ALK: variants seen among roughly 807,000 people sequenced by gnomAD.
ALK encodes the protein ALK tyrosine kinase receptor.
In ALK, 74 loss-of-function variants were observed where a neutral mutation model predicts 163.1. That is an observed-to-expected ratio of 0.45 (90% CI 0.38 to 0.55). The LOEUF is 0.55. Ranked by LOEUF, ALK falls within the 20% of genes least tolerant of loss-of-function variation. ALK has a pLI of 0.00. For missense variants in ALK, 2,063 were observed against 2,105.3 expected (o/e 0.98, Z 0.39); for synonymous variants, 960 against 843.2 (o/e 1.14, Z -2.40).
At chr2:29,548,276 G>A (rs1361400812) in intron 3 of ALK, among the ~76,000 whole-genome samples, 1 of 151,990 alleles carries the variant, frequency 6.6e-6, no homozygotes, top group Non-Finnish European at 1.5e-5. Context: ...GACTGGGACC[G>A]TCCTGGCTAA....
At chr2:29,738,612 G>GTT (rs1030792038) in intron 1 of ALK, among the ~76,000 whole-genome samples, 1 of 152,002 alleles carries the variant, frequency 6.6e-6, no homozygotes, top group Non-Finnish European at 1.5e-5. Flanking sequence ...GGACCTTAGG[G>GTT]TTTTTCAATG....
At position 29,745,689 on chromosome 2, in the gene ALK, T is replaced by G. The variant is rs1046101406; in HGVS notation, c.668-27992A>C. ...TATCCTATCAAAGTAGGTCCCCGCT[T>G]AGCAGCATGTCCCATCACTGCCCAT... On this transcript the variant is annotated intron_variant, in intron 1 of 28. Coordinates refer to ENST00000389048, the MANE Select transcript of ALK (RefSeq NM_004304.5). 2.0e-5 allele frequency among the ~76,000 whole-genome samples: 3 copies of G among 152,366 alleles called. No individual in the cohort carries two copies. In the East Asian group the frequency reaches 5.8e-4, roughly 29 times the overall value.
chr2:29,226,580 G>T (rs541128124), intron 18 of ALK, among the ~76,000 whole-genome samples: 3 of 152,060 alleles, frequency 2.0e-5, no homozygotes, highest in African/African-American at 7.2e-5. Context: ...GGAGAGGAAG[G>T]TTAAGGCAAC....
intron 24 of ALK, among the ~76,000 whole-genome samples, chr2:29,211,060 G>T (rs887279853): frequency 4.6e-5 from 7 of 152,192 alleles, no homozygotes; most frequent in African/African-American, 1.7e-4. Context: ...GTTTCATGAT[G>T]GTTCTGATCC....
chr2:29,302,908 A>T (rs1480076436), intron 8 of ALK, among the ~76,000 whole-genome samples: 4 of 152,242 alleles, frequency 2.6e-5, no homozygotes, highest in Non-Finnish European at 4.4e-5. Context: ...AAGACATCAA[A>T]CTATAAAAAT....
chr2:29,918,327 C>T (rs946038027), intron 1 of ALK, among the ~76,000 whole-genome samples: 1 of 152,208 alleles, frequency 6.6e-6, no homozygotes, highest in Non-Finnish European at 1.5e-5. Context: ...TCTGCATTTC[C>T]AGAGAAGTCA....
At chr2:29,735,371 C>T (rs1679861683) in intron 1 of ALK, among the ~76,000 whole-genome samples, 1 of 151,976 alleles carries the variant, frequency 6.6e-6, no homozygotes, top group South Asian at 2.1e-4. Flanking sequence ...CAATCACAGC[C>T]TTCAGTGATT....
rs80167550 is a variant in ALK at position 29,570,724 on chromosome 2, G to A, written c.953-38608C>T. On this transcript the variant is annotated intron_variant, in intron 3 of 28. Coordinates refer to ENST00000389048, the MANE Select transcript of ALK (RefSeq NM_004304.5). ...GTTTCGCTCTCTCGACAGTAAAGCT[G>A]GCTGGTCAGGAGTGATTTTGATGAA... Among the ~76,000 whole-genome samples the A allele has an allele frequency of 2.7e-3, 416 of 152,282 alleles. 2 individuals are homozygous for A. Among genetic ancestry groups the A allele is most frequent in the East Asian group, 7.0e-3 (36 of 5,174 alleles).
intron 5 of ALK, among the ~76,000 whole-genome samples, chr2:29,354,144 G>C (rs894925544): frequency 6.6e-6 from 1 of 152,138 alleles, no homozygotes; most frequent in Admixed American, 6.5e-5. Context: ...TTGTCTTTAA[G>C]GGGCTAAGAA....
intron 22 of ALK, among the ~76,000 whole-genome samples, chr2:29,221,693 C>G (rs908944973): frequency 1.3e-5 from 2 of 152,256 alleles, no homozygotes; most frequent in Non-Finnish European, 2.9e-5. Context: ...ACCCCTGCCA[C>G]TTCCACCAAG....
intron 7 of ALK, 135 bp from the exon 8 acceptor site, chr2:29,318,539 T>C (rs757439970): frequency 5.8e-6 from 4 of 684,812 alleles, no homozygotes; most frequent in South Asian, 1.6e-5. Flanking sequence ...TGGCCTGCAA[T>C]GGAGAAGAAA....
At chr2:29,456,509 G>T (rs1670956764) in intron 4 of ALK, among the ~76,000 whole-genome samples, 1 of 152,136 alleles carries the variant, frequency 6.6e-6, no homozygotes, top group Non-Finnish European at 1.5e-5. Context: ...ATGTAGAGTA[G>T]TCAAATTCAT....
intron 5 of ALK, among the ~76,000 whole-genome samples, chr2:29,359,282 A>G (rs976345836): frequency 3.3e-5 from 5 of 152,188 alleles, no homozygotes; most frequent in Non-Finnish European, 7.4e-5. Flanking sequence ...CCTCCCTTGA[A>G]GAGGGTATTA....
At chr2:29,434,034 T>C (rs1670339870) in intron 4 of ALK, among the ~76,000 whole-genome samples, 1 of 152,142 alleles carries the variant, frequency 6.6e-6, no homozygotes, top group African/African-American at 2.4e-5. Context: ...TGTAAAGTAC[T>C]GAAAAGGCAA....
intron 4 of ALK, among the ~76,000 whole-genome samples, chr2:29,396,827 G>C (rs1414546299): frequency 2.6e-5 from 2 of 76,486 alleles, no homozygotes; most frequent in Non-Finnish European, 5.2e-5. Flanking sequence ...GAGGCCCTTT[G>C]TTACTATGGT....
chr2:29,596,309 G>A (rs1367760520), intron 3 of ALK, among the ~76,000 whole-genome samples: 3 of 151,994 alleles, frequency 2.0e-5, no homozygotes, highest in African/African-American at 4.8e-5. Flanking sequence ...ATGACTCTGG[G>A]GTTCACAGCT....
intron 1 of ALK, among the ~76,000 whole-genome samples, chr2:29,792,304 C>G (rs1280724321): frequency 6.6e-6 from 1 of 151,958 alleles, no homozygotes; most frequent in East Asian, 1.9e-4. Flanking sequence ...AGTGGAGACT[C>G]CAGAAACAGA....
intron 4 of ALK, among the ~76,000 whole-genome samples, chr2:29,468,392 T>C (rs1671264271): frequency 6.6e-6 from 1 of 152,182 alleles, no homozygotes; most frequent in South Asian, 2.1e-4. Flanking sequence ...CCTAGACCAA[T>C]GCTGAGCACT....
chr2:29,916,862 T>C (rs1667848446), intron 1 of ALK, among the ~76,000 whole-genome samples: 1 of 152,190 alleles, frequency 6.6e-6, no homozygotes, highest in African/African-American at 2.4e-5. Context: ...TTTTCTATGA[T>C]TTGGGCTGTC....
Sources: allele counts gnomAD v4.1 joint callset (sites outside exome capture counted in the v4.1 genomes callset), GRCh38; gene constraint gnomAD v4.1.1; transcripts MANE v1.5; gene names NCBI Gene and HGNC (gene_info 2026-07-23, HGNC 2026-07-21).